The following INPP5A variants were observed in gnomAD, a reference collection of about 807,000 sequenced individuals.
INPP5A encodes inositol polyphosphate-5-phosphatase A, also known as 43 kDa inositol polyphosphate 5-phophatase.
Under a neutral mutation model 65.2 loss-of-function variants are expected in INPP5A, and 14 were observed. That is an observed-to-expected ratio of 0.21 (90% CI 0.14 to 0.34). INPP5A has a LOEUF of 0.34. INPP5A is among the 10% of genes least tolerant of loss of function. The pLI, the probability that INPP5A is intolerant of heterozygous loss-of-function variation, is 1.00. For missense variants in INPP5A, 431 were observed against 545.6 expected, an observed-to-expected ratio of 0.79 and a Z score of 2.09; for synonymous variants, 207 against 208.3, an observed-to-expected ratio of 0.99 and a Z score of 0.05.
Position 132,650,363 on chromosome 10 carries a change from G to A in INPP5A, c.219-55G>A, listed in dbSNP as rs970180278. 8.3e-7 allele frequency: 1 copy of A among 1,205,338 alleles called. No individual in the cohort carries two copies. Among genetic ancestry groups the A allele is most frequent in the Non-Finnish European group, 1.2e-6 (1 of 808,478 alleles). 74.7% of individuals were successfully genotyped at this position (1,205,338 alleles called of 1,614,324 possible). ...CTCTTATACCTTGTGGTCATCTCAT[G>A]AGGTGCAAGGCGTCTGTGTGGCTTT... On this transcript the variant is annotated intron_variant, in intron 3 of 15. Transcript: ENST00000368594. The surrounding 1 kb of genome is among the most constrained non-coding windows in gnomAD (Gnocchi z 5.5).
At chr10:132,712,844 A>G (rs1234694595) in intron 8 of INPP5A, among the ~76,000 whole-genome samples, 1 of 144,106 alleles carries the variant, frequency 6.9e-6, no homozygotes, top group African/African-American at 2.6e-5. Flanking sequence ...GCATATGTGT[A>G]GGCTTGTGTG....
chr10:132,559,668 C>T (rs2071175790), intron 1 of INPP5A, among the ~76,000 whole-genome samples: 1 of 147,170 alleles, frequency 6.8e-6, no homozygotes, highest in African/African-American at 2.7e-5. Context: ...CCAGGGACCT[C>T]AGTTACTCAG....
intron 1 of INPP5A, among the ~76,000 whole-genome samples, chr10:132,561,023 T>C (rs1056832098): frequency 1.3e-5 from 2 of 151,870 alleles, no homozygotes; most frequent in African/African-American, 4.8e-5. Context: ...TGTGTTGTCT[T>C]CGCTTTTTTG....
At chr10:132,642,548 A>G (rs1166035143) in intron 2 of INPP5A, among the ~76,000 whole-genome samples, 1 of 152,130 alleles carries the variant, frequency 6.6e-6, no homozygotes. Flanking sequence ...TTTTCTTGTG[A>G]TGGCGTTTGC....
chr10:132,765,954 A>T, intron 12 of INPP5A, 108 bp downstream of exon 12: 1 of 735,674 alleles, frequency 1.4e-6, no homozygotes, highest in African/African-American at 1.7e-5. Context: ...TGTGCTGGGC[A>T]TGAGTGTGTG....
rs1394406898 is a variant in INPP5A at position 132,705,204 on chromosome 10, G to C, written c.475-3109G>C. Among the ~76,000 whole-genome samples the C allele has an allele frequency of 1.3e-5, 2 of 152,196 alleles. No homozygotes were observed. The highest frequency in any genetic ancestry group is 2.9e-5 in the Non-Finnish European group (2 of 68,022). ...TGTTTCCATTGCAGACACAGTTACC[G>C]ACAGGAAATGAACACAGAGGCTCCC... is the stretch of plus-strand genomic sequence containing the variant. On this transcript the variant is annotated intron_variant, in intron 6 of 15. Coordinates refer to ENST00000368594, the MANE Select transcript of INPP5A (RefSeq NM_005539.5). The surrounding 1 kb of genome is among the most constrained non-coding windows in gnomAD (Gnocchi z 4.9).
chr10:132,680,000 T>C (rs2073021289), intron 4 of INPP5A, among the ~76,000 whole-genome samples: 1 of 152,202 alleles, frequency 6.6e-6, no homozygotes, highest in African/African-American at 2.4e-5. Context: ...ATAAAACTTT[T>C]AGAAGAAAAC....
intron 9 of INPP5A, among the ~76,000 whole-genome samples, chr10:132,739,920 G>A (rs946842715): frequency 2.6e-5 from 4 of 152,150 alleles, no homozygotes; most frequent in African/African-American, 7.2e-5. Context: ...CGGGGGTGCC[G>A]CCTGTGTCCA....
intron 9 of INPP5A, among the ~76,000 whole-genome samples, chr10:132,728,615 T>A (rs1846028558): frequency 6.6e-6 from 1 of 152,174 alleles, no homozygotes; most frequent in Non-Finnish European, 1.5e-5. Context: ...TGCACATAAG[T>A]ACTTCCCGCT....
chr10:132,721,879 C>T (rs776099680), intron 8 of INPP5A, among the ~76,000 whole-genome samples: 2 of 152,136 alleles, frequency 1.3e-5, no homozygotes, highest in Non-Finnish European at 2.9e-5. Context: ...ACCCTGAGGG[C>T]TTGAGGCTTT....
intron 2 of INPP5A, among the ~76,000 whole-genome samples, chr10:132,615,018 C>A (rs535257306): frequency 1.3e-5 from 2 of 152,376 alleles, no homozygotes; most frequent in African/African-American, 4.8e-5. Context: ...GAACGCCTTC[C>A]CGTGACGCGT....
chr10:132,555,770 G>A lies in INPP5A; in HGVS notation c.75+17599G>A, dbSNP rs2071118074. ...ACACTGACACACCTTGTCACACTCT[G>A]CAGGGTGTTTTGTTGCCCTCAGCAC... On this transcript the variant is annotated intron_variant, in intron 1 of 15. Transcript: ENST00000368594. The surrounding 1 kb of genome is among the most constrained non-coding windows in gnomAD (Gnocchi z 4.4). Among the ~76,000 whole-genome samples, 1 of 152,194 alleles carries A rather than the reference G, an allele frequency of 6.6e-6. No individual in the cohort carries two copies. Among genetic ancestry groups the A allele is most frequent in the African/African-American group, 2.4e-5 (1 of 41,438 alleles).
At chr10:132,560,341 A>G (rs1396659469) in intron 1 of INPP5A, among the ~76,000 whole-genome samples, 1 of 152,196 alleles carries the variant, frequency 6.6e-6, no homozygotes, top group Non-Finnish European at 1.5e-5. Flanking sequence ...AGGAACTGCC[A>G]GACTCTTTCC....
rs189397470 is a variant in INPP5A, at chr10:132,571,030, G to A, written c.75+32859G>A. Reference sequence around the variant, plus strand: ...CAGCCTACTCCCGTGGGTTCGGGGCGTTGGAACATTCTCCAAACCCCTCCT... The same window carrying A: ...CAGCCTACTCCCGTGGGTTCGGGGCATTGGAACATTCTCCAAACCCCTCCT... On this transcript the variant is annotated intron_variant, in intron 1 of 15. Transcript: ENST00000368594. 1.0e-3 allele frequency among the ~76,000 whole-genome samples: 154 copies of A among 152,234 alleles called. 1 individual carries two copies. Among genetic ancestry groups the A allele is most frequent in the African/African-American group, 3.6e-3 (148 of 41,528 alleles).
intron 2 of INPP5A, among the ~76,000 whole-genome samples, chr10:132,643,962 C>A (rs1282159123): frequency 1.3e-5 from 2 of 152,052 alleles, no homozygotes. Context: ...AGATCTCAAG[C>A]CCACCCACTC....
At chr10:132,643,652 A>G (rs118007435) in intron 2 of INPP5A, among the ~76,000 whole-genome samples, 3,952 of 152,346 alleles carry the variant, frequency 0.026, 74 homozygotes, top group Non-Finnish European at 0.035. Flanking sequence ...GCATAAAAGC[A>G]TCAGCCTGGC....
intron 2 of INPP5A, among the ~76,000 whole-genome samples, chr10:132,642,492 G>A (rs757340475): frequency 7.9e-5 from 12 of 152,222 alleles, no homozygotes; most frequent in Non-Finnish European, 1.6e-4. Flanking sequence ...AGGAAATGCT[G>A]TAAAATCTAG....
intron 11 of INPP5A, among the ~76,000 whole-genome samples, chr10:132,756,308 T>C (rs994418268): frequency 6.6e-6 from 1 of 152,128 alleles, no homozygotes; most frequent in African/African-American, 2.4e-5. Flanking sequence ...GTGTGTGGTG[T>C]ATGTGTGTAT....
intron 1 of INPP5A, among the ~76,000 whole-genome samples, chr10:132,589,240 G>C (rs532733800): frequency 9.8e-5 from 15 of 152,342 alleles, no homozygotes; most frequent in African/African-American, 3.6e-4. Flanking sequence ...CTGAGGGAGC[G>C]CTGGGGTCGT....
Sources: gnomAD v4.1 joint callset for allele counts (sites outside exome capture counted in the v4.1 genomes callset) on GRCh38, gnomAD v4.1.1 for gene constraint, Gnocchi (gnomAD v3.1) non-coding constraint, MANE v1.5 for transcripts, NCBI Gene and HGNC (gene_info 2026-07-23, HGNC 2026-07-21) for gene names.